ST3GAL1: variants seen among roughly 807,000 people sequenced by gnomAD.
ST3GAL1 encodes the protein ST3 beta-galactoside alpha-2,3-sialyltransferase 1, also known as CMP-N-acetylneuraminate-beta-galactosamide-alpha-2,3-sialyltransferase 1.
In ST3GAL1, 16 loss-of-function variants were observed where a neutral mutation model predicts 34.1. That is an observed-to-expected ratio of 0.47 (90% CI 0.32 to 0.71). The LOEUF is 0.71. Among genes scored for constraint, ST3GAL1 ranks in the 30% least tolerant of loss-of-function variants. ST3GAL1 has a pLI of 0.04. For missense variants in ST3GAL1, 353 were observed against 447.4 expected (o/e 0.79, Z 1.90); for synonymous variants, 191 against 184.7 (o/e 1.03, Z -0.28).
intron 3 of ST3GAL1, among the ~76,000 whole-genome samples, chr8:133,487,202 G>A (rs748275067): frequency 4.6e-5 from 7 of 152,106 alleles, no homozygotes; most frequent in Non-Finnish European, 8.8e-5. Context: ...GCCTCCCAAA[G>A]TGCTGGGATT....
At chr8:133,529,830 C>T (rs375147064) in intron 2 of ST3GAL1, among the ~76,000 whole-genome samples, 1 of 152,320 alleles carries the variant, frequency 6.6e-6, no homozygotes, top group South Asian at 2.1e-4. Flanking sequence ...CAGACACCCA[C>T]GTGGACAAGG....
chr8:133,537,868 T>C (rs191229258), intron 2 of ST3GAL1, among the ~76,000 whole-genome samples: 3 of 152,282 alleles, frequency 2.0e-5, no homozygotes, highest in Middle Eastern at 3.4e-3. Context: ...CCGGCTGCCA[T>C]GGTTTCAGCT....
Position 133,459,929 on chromosome 8 carries a change from C to A in ST3GAL1, c.858G>T (p.Leu286Phe). ...FSMHVCDEVD[L>F]YGFGADSKGN... The stretch of plus-strand genomic sequence containing the variant: ...CTTTGCTGTCTGCCCCGAAGCCGTA[C>A]AAGTCCACCTGTGGGAGCAAAGCAA... The change falls in exon 10 of 10, where the codon TTG becomes TTT. Residue 286 changes from leucine to phenylalanine, a missense_variant. Leu to Phe is a conservative substitution (Grantham distance 22). Coordinates refer to ENST00000522652, the MANE Select transcript of ST3GAL1 (RefSeq NM_173344.3). The surrounding 1 kb of genome is among the most constrained non-coding windows in gnomAD (Gnocchi z 4.7). The A allele has an allele frequency of 6.2e-7, 1 of 1,611,648 alleles. No homozygotes were observed. Among genetic ancestry groups the A allele is most frequent in the Non-Finnish European group, 8.5e-7 (1 of 1,178,582 alleles).
At chr8:133,513,432 T>A (rs2131015112) in intron 2 of ST3GAL1, among the ~76,000 whole-genome samples, 1 of 152,212 alleles carries the variant, frequency 6.6e-6, no homozygotes, top group South Asian at 2.1e-4. Context: ...AATTTTGGAG[T>A]ACGGAAGGCC....
intron 8 of ST3GAL1, 43 bp from the exon 9 acceptor site, chr8:133,462,037 G>A (rs780785974): frequency 6.2e-7 from 1 of 1,612,448 alleles, no homozygotes; most frequent in Non-Finnish European, 8.5e-7. Flanking sequence ...GTTCTGGGGG[G>A]CAAAGGACAT....
rs1389755929 is a variant in ST3GAL1, at chr8:133,571,252, C to A, written c.-582+441G>T. Among the ~76,000 whole-genome samples the A allele has an allele frequency of 6.6e-6, 1 of 152,204 alleles. No homozygotes were observed. The highest frequency in any genetic ancestry group is 2.4e-5 in the African/African-American group (1 of 41,462). On this transcript the variant is annotated intron_variant, in intron 1 of 9. Coordinates refer to ENST00000522652, the MANE Select transcript of ST3GAL1 (RefSeq NM_173344.3). The surrounding 1 kb of genome is among the most constrained non-coding windows in gnomAD (Gnocchi z 6.7). Reference sequence around the variant, plus strand: ...AGAGCGCCTGAGCCCGGCCACCCAGCGAGGTCTCCTCCCACGGGCGGCCCC... The same window carrying A: ...AGAGCGCCTGAGCCCGGCCACCCAGAGAGGTCTCCTCCCACGGGCGGCCCC...
At chr8:133,473,651 G>T (rs1043981873) in intron 5 of ST3GAL1, among the ~76,000 whole-genome samples, 3 of 152,216 alleles carry the variant, frequency 2.0e-5, no homozygotes, top group Admixed American at 1.3e-4. Context: ...AACCCTGCTG[G>T]TTCTCAAGGG....
chr8:133,500,620 C>T (rs11777342), intron 2 of ST3GAL1, among the ~76,000 whole-genome samples: 61,015 of 151,886 alleles, frequency 0.4, 13,187 homozygotes, highest in South Asian at 0.5. Context: ...TACATCCTGC[C>T]AGGAGTCACT....
Position 133,467,169 on chromosome 8 carries a change from C to A in ST3GAL1, c.307-1079G>T, listed in dbSNP as rs778239280. On this transcript the variant is annotated intron_variant, in intron 5 of 9. Transcript: ENST00000522652. This position sits in a 1 kb window ranked among gnomAD's most constrained non-coding sequence, Gnocchi z 4.2. ...GAATGCCAGTCTTATTCCAGGGTGA[C>A]TAAATATTACTTATTTGCCCAGGTT... Among the ~76,000 whole-genome samples the A allele has an allele frequency of 6.6e-6, 1 of 151,774 alleles. No individual in the cohort carries two copies. The highest frequency in any genetic ancestry group is 1.9e-4 in the East Asian group (1 of 5,170).
intron 3 of ST3GAL1, among the ~76,000 whole-genome samples, chr8:133,493,049 C>G (rs1164402137): frequency 6.6e-6 from 1 of 152,128 alleles, no homozygotes; most frequent in African/African-American, 2.4e-5. Flanking sequence ...TGTCCCAGCT[C>G]TGTCTGAGCT....
chr8:133,463,277 G>T (rs1049433842), intron 8 of ST3GAL1, 137 bp downstream of exon 8: 50 of 936,804 alleles, frequency 5.3e-5, no homozygotes, highest in Admixed American at 2.4e-4. Flanking sequence ...CCCCCAGGGG[G>T]ATAGCTAAGT....
chr8:133,563,459 C>T (rs934654505), intron 1 of ST3GAL1, among the ~76,000 whole-genome samples: 1 of 152,116 alleles, frequency 6.6e-6, no homozygotes, highest in Non-Finnish European at 1.5e-5. Context: ...CGCACTAGGC[C>T]CCAACAGGGC....
chr8:133,473,839 C>T (rs1040255331), intron 5 of ST3GAL1, among the ~76,000 whole-genome samples: 3 of 152,222 alleles, frequency 2.0e-5, no homozygotes, highest in African/African-American at 7.2e-5. Context: ...GCCCTTGTGA[C>T]TAAGGCTGAT....
At position 133,486,478 on chromosome 8, in the gene ST3GAL1, C is replaced by T. The variant is rs765027500; in HGVS notation, c.-373-9878G>A. On this transcript the variant is annotated intron_variant, in intron 3 of 9. Transcript: ENST00000522652. ...CCGAGCCAGGCCTGGACCCACTCAACGCCGCTCTCCTCCCCTGGGTCAGGA... is the reference window on the plus strand; with the variant it reads ...CCGAGCCAGGCCTGGACCCACTCAATGCCGCTCTCCTCCCCTGGGTCAGGA... 1.2e-4 allele frequency among the ~76,000 whole-genome samples: 18 copies of T among 152,194 alleles called. 1 individual carries two copies. Among genetic ancestry groups the T allele is most frequent in the African/African-American group, 2.4e-5 (1 of 41,446 alleles).
At chr8:133,511,538 G>A (rs1366899226) in intron 2 of ST3GAL1, among the ~76,000 whole-genome samples, 1 of 152,196 alleles carries the variant, frequency 6.6e-6, no homozygotes, top group Non-Finnish European at 1.5e-5. Context: ...GCACAAAGAG[G>A]TGAAGTCACT....
chr8:133,527,580 G>A (rs1458339651), intron 2 of ST3GAL1, among the ~76,000 whole-genome samples: 2 of 152,086 alleles, frequency 1.3e-5, no homozygotes, highest in Non-Finnish European at 2.9e-5. Context: ...TGTAAAATGA[G>A]GATAATGATA....
intron 2 of ST3GAL1, among the ~76,000 whole-genome samples, chr8:133,526,682 G>A (rs1048974529): frequency 2.8e-4 from 42 of 152,294 alleles, no homozygotes; most frequent in African/African-American, 9.9e-4. Context: ...CAGTGCCTGG[G>A]GTAGAAATAG....
chr8:133,536,538 C>T (rs1252052493), intron 2 of ST3GAL1, among the ~76,000 whole-genome samples: 1 of 152,174 alleles, frequency 6.6e-6, no homozygotes, highest in Non-Finnish European at 1.5e-5. Context: ...AGTGGTTCAC[C>T]ATGGAAAGCC....
intron 2 of ST3GAL1, among the ~76,000 whole-genome samples, chr8:133,506,288 A>G (rs1277217169): frequency 6.6e-6 from 1 of 152,248 alleles, no homozygotes; most frequent in East Asian, 1.9e-4. Flanking sequence ...TGAGAACAAC[A>G]GGACTGACCT....
Sources: gnomAD v4.1 joint callset for allele counts (sites outside exome capture counted in the v4.1 genomes callset) on GRCh38, gnomAD v4.1.1 for gene constraint, Gnocchi (gnomAD v3.1) non-coding constraint, MANE v1.5 for transcripts, NCBI Gene and HGNC (gene_info 2026-07-23, HGNC 2026-07-21) for gene names.